The following DYNLT2B variants were observed in gnomAD, a reference collection of about 807,000 sequenced individuals.
DYNLT2B encodes dynein light chain Tctex-type 2B.
Under a neutral mutation model 19.5 loss-of-function variants are expected in DYNLT2B, and 14 were observed. The ratio of observed to expected loss-of-function variants is 0.72; its 90% CI spans 0.47 to 1.12. The LOEUF (loss-of-function observed/expected upper bound fraction) is 1.12, where lower values mean the gene tolerates loss of function less well. DYNLT2B is among the 50% of genes most tolerant of loss of function. The probability of loss-of-function intolerance (pLI) is 0.00; values close to 1 mark genes in which losing one functional copy is unlikely to be tolerated. For synonymous variants in DYNLT2B, 70 were observed against 59.7 expected, an observed-to-expected ratio of 1.17 and a Z score of -0.79; for missense variants, 133 against 174.7, an observed-to-expected ratio of 0.76 and a Z score of 1.35.
chr3:196,298,001 AGT>A (rs1726264594), intron 3 of DYNLT2B: 1 of 162,770 alleles, frequency 6.1e-6, no homozygotes, highest in African/African-American at 2.4e-5. Flanking sequence ...AGCTTGCTAT[AGT>A]AAGATGGCCG....
At chr3:196,315,907 G>A (rs570279230) in intron 2 of DYNLT2B, among the ~76,000 whole-genome samples, 191 bp downstream of exon 2, 2 of 152,156 alleles carry the variant, frequency 1.3e-5, no homozygotes, top group South Asian at 2.1e-4. Flanking sequence ...GCCTCACCAT[G>A]TTGCCTAGGC....
At chr3:196,304,012 G>C (rs1012148246) in intron 3 of DYNLT2B, among the ~76,000 whole-genome samples, 1 of 152,188 alleles carries the variant, frequency 6.6e-6, no homozygotes, top group African/African-American at 2.4e-5. Context: ...GACAGAGCAA[G>C]AACTGTCTCA....
chr3:196,298,913 T>C (rs544242450), intron 3 of DYNLT2B, among the ~76,000 whole-genome samples: 12 of 152,194 alleles, frequency 7.9e-5, no homozygotes, highest in African/African-American at 2.4e-4. Context: ...AATTTTTTTA[T>C]TTATTAATTT....
At chr3:196,293,046 G>A (rs935850693) in intron 4 of DYNLT2B, among the ~76,000 whole-genome samples, 2 of 152,102 alleles carry the variant, frequency 1.3e-5, no homozygotes, top group African/African-American at 4.8e-5. Context: ...TAGAGATGGG[G>A]TTTCACCATG....
chr3:196,308,752 C>T (rs775055468), intron 2 of DYNLT2B, among the ~76,000 whole-genome samples: 3 of 152,174 alleles, frequency 2.0e-5, no homozygotes, highest in Non-Finnish European at 2.9e-5. Flanking sequence ...AGACAGAGTC[C>T]AAGTTATTTT....
At chr3:196,306,340 A>G (rs1290183427) in intron 3 of DYNLT2B, among the ~76,000 whole-genome samples, 3 of 150,702 alleles carry the variant, frequency 2.0e-5, no homozygotes, top group Non-Finnish European at 4.4e-5. Flanking sequence ...AGGCAGGAGG[A>G]TCACTTGAGC....
chr3:196,297,687 C>T (rs966412636), intron 3 of DYNLT2B, among the ~76,000 whole-genome samples: 1 of 152,084 alleles, frequency 6.6e-6, no homozygotes, highest in East Asian at 1.9e-4. Flanking sequence ...TCACTGAATC[C>T]TATGAGGTAC....
intron 2 of DYNLT2B, among the ~76,000 whole-genome samples, chr3:196,312,941 C>T (rs1319839529): frequency 6.6e-6 from 1 of 151,934 alleles, no homozygotes; most frequent in Admixed American, 6.6e-5. Context: ...CACTTGAGCC[C>T]GGGAGGTTGA....
At position 196,316,425 on chromosome 3, in the gene DYNLT2B, C is replaced by T. The variant is rs866848265; in HGVS notation, c.114-194G>A. On this transcript the variant is annotated intron_variant, in intron 1 of 4. Coordinates refer to ENST00000325318, the MANE Select transcript of DYNLT2B (RefSeq NM_152773.5). ...ATCTTCAACCTGGACCTGCACTGAACTTCAACACATTCCAACTCATGCTCC... is the reference window on the plus strand; with the variant it reads ...ATCTTCAACCTGGACCTGCACTGAATTTCAACACATTCCAACTCATGCTCC... Among the ~76,000 whole-genome samples, 3 of 152,232 alleles carry T rather than the reference C, an allele frequency of 2.0e-5. No individual in the cohort carries two copies. In the South Asian group the frequency reaches 6.2e-4, roughly 32 times the overall value.
chr3:196,294,312 A>T (rs1726170402), intron 4 of DYNLT2B, among the ~76,000 whole-genome samples: 1 of 152,140 alleles, frequency 6.6e-6, no homozygotes, highest in South Asian at 2.1e-4. Flanking sequence ...GTGCCATTGC[A>T]CTCCATCCTG....
At chr3:196,311,411 AAAG>A (rs1320132952) in intron 2 of DYNLT2B, among the ~76,000 whole-genome samples, 20 of 151,932 alleles carry the variant, frequency 1.3e-4, no homozygotes, top group Middle Eastern at 3.4e-3. Flanking sequence ...AAAAAAAAAA[AAAG>A]AAGAAGAAAG....
chr3:196,312,963 T>C (rs920362083), intron 2 of DYNLT2B, among the ~76,000 whole-genome samples: 1 of 151,890 alleles, frequency 6.6e-6, no homozygotes. Flanking sequence ...GCTGCAGTGA[T>C]CTGAAATCAC....
chr3:196,294,639 G>T (rs1726177073), intron 4 of DYNLT2B, among the ~76,000 whole-genome samples: 1 of 152,190 alleles, frequency 6.6e-6, no homozygotes, highest in African/African-American at 2.4e-5. Context: ...CTGATACAAT[G>T]TGAGAAAAAT....
Position 196,316,156 on chromosome 3 carries a change from T to C in DYNLT2B, c.189A>G (p.Pro63=). ...KEELANAEYS[P]EEMPQLTKHL... ...GTTTTGTAAGCTGAGGCATTTCTTC[T>C]GGAGAATATTCAGCATTTGCCAGTT... Residue 63 remains proline, a synonymous_variant, in exon 2 of 5, where the codon CCA becomes CCG. Coordinates refer to ENST00000325318, the MANE Select transcript of DYNLT2B (RefSeq NM_152773.5). 4 of 1,613,972 alleles carry C rather than the reference T, an allele frequency of 2.5e-6. No homozygotes were observed. The highest frequency in any genetic ancestry group is 3.4e-6 in the Non-Finnish European group (4 of 1,179,888).
chr3:196,316,042 G>A, intron 2 of DYNLT2B, 56 bp downstream of exon 2: 2 of 1,579,970 alleles, frequency 1.3e-6, no homozygotes, highest in Non-Finnish European at 1.7e-6. Context: ...GGGGGCAAAT[G>A]GGTAATACTG....
At chr3:196,292,712 A>AGTG (rs1177532793) in intron 4 of DYNLT2B, among the ~76,000 whole-genome samples, 1 of 151,970 alleles carries the variant, frequency 6.6e-6, no homozygotes, top group Non-Finnish European at 1.5e-5. Context: ...CCCCACTGTG[A>AGTG]GTGGCCCTGT....
chr3:196,303,610 G>C (rs1726412172), intron 3 of DYNLT2B, among the ~76,000 whole-genome samples: 1 of 152,060 alleles, frequency 6.6e-6, no homozygotes, highest in South Asian at 2.1e-4. Context: ...AAAAATCCCA[G>C]TGAAGGAACA....
At chr3:196,315,148 A>G (rs185294300) in intron 2 of DYNLT2B, 5 of 397,490 alleles carry the variant, frequency 1.3e-5, no homozygotes, top group Admixed American at 7.0e-5. Flanking sequence ...TACATGAGTA[A>G]AAGTCACCAA....
chr3:196,306,431 A>T (rs1053074474), intron 3 of DYNLT2B, among the ~76,000 whole-genome samples: 1 of 138,382 alleles, frequency 7.2e-6, no homozygotes, highest in Admixed American at 8.0e-5. Flanking sequence ...CTGTCTCTTT[A>T]AACAAAAAAA....
Sources: allele counts gnomAD v4.1 joint callset (sites outside exome capture counted in the v4.1 genomes callset), GRCh38; gene constraint gnomAD v4.1.1; transcripts MANE v1.5; gene names NCBI Gene and HGNC (gene_info 2026-07-23, HGNC 2026-07-21).